The following RBAK variants were observed in gnomAD, a reference collection of about 807,000 sequenced individuals.
RBAK encodes the protein RB-associated KRAB zinc finger protein.
A neutral mutation model predicts 65.8 loss-of-function variants in RBAK; 39 were observed. The ratio of observed to expected loss-of-function variants is 0.59; its 90% CI spans 0.46 to 0.77. The LOEUF (loss-of-function observed/expected upper bound fraction) is 0.77. RBAK is among the 30% of genes least tolerant of loss of function. The pLI, the probability that RBAK is intolerant of heterozygous loss-of-function variation, is 0.00. For missense variants in RBAK, 884 were observed against 855.1 expected, an observed-to-expected ratio of 1.03 and a Z score of -0.42; for synonymous variants, 343 against 289.7, an observed-to-expected ratio of 1.18 and a Z score of -1.87.
rs1043192994 is a variant in RBAK at position 5,066,578 on chromosome 7, A to T, written c.*977A>T. On this transcript the variant is annotated 3_prime_UTR_variant, in exon 5 of 5. Coordinates refer to ENST00000396912, the MANE Select transcript of RBAK (RefSeq NM_021163.4). Reference sequence around the variant, plus strand: ...TTGTAATTTAGAAATTTTATTCACAAACTTCTGTTTGGTACAAATACAGTG... The same window carrying T: ...TTGTAATTTAGAAATTTTATTCACATACTTCTGTTTGGTACAAATACAGTG... The T allele has an allele frequency of 3.3e-5, 5 of 152,164 alleles. No homozygotes were observed. Among genetic ancestry groups the T allele is most frequent in the African/African-American group, 1.2e-4 (5 of 41,444 alleles). The allele number at this position is 152,164 out of a possible 1,614,324, so 9.4% of individuals were successfully genotyped here.
In RBAK at chr7:5,057,748, GGGA is replaced by G; in HGVS notation, c.210_212del (p.Gly71del). ...AGCAGGGAGAGGAGCCGTGGATAAT[GGGA>G]GGTGAATTTCCATGTCAACATAGTC... On this transcript the variant is annotated inframe_deletion, in exon 4 of 5. Transcript: ENST00000396912. The G allele has an allele frequency of 6.2e-7, 1 of 1,613,884 alleles. No individual in the cohort carries two copies. The highest frequency in any genetic ancestry group is 1.7e-5 in the Admixed American group (1 of 59,990).
In RBAK at chr7:5,045,913, C is replaced by T. The variant is rs927705329; in HGVS notation, c.-528C>T. 19 of 351,256 alleles carry T rather than the reference C, an allele frequency of 5.4e-5. No homozygotes were observed. The highest frequency in any genetic ancestry group is 4.4e-4 in the African/African-American group (19 of 43,558). 21.8% of individuals were successfully genotyped at this position (351,256 alleles called of 1,614,324 possible). A position where few individuals can be genotyped will look rare whatever the true frequency, so the allele number is the denominator to read the frequency against. ...GTCACCGCTTGCTCTAGTTCCCAGG[C>T]TTTGGCCTCCAGTGGACGAGAATCG... is the stretch of plus-strand genomic sequence containing the variant. On this transcript the variant is annotated 5_prime_UTR_variant, in exon 1 of 5. Transcript: ENST00000396912.
At position 5,065,064 on chromosome 7, in the gene RBAK, G is replaced by C. The variant is rs1779183044; in HGVS notation, c.1608G>C (p.Glu536Asp). ...GGCACCAGCCACTTCCAAAAGGGGA[G>C]AAATCCTATGAATGTAATGTATGTG... Reference protein sequence around the residue: ...FDGHQPLPKGEKSYECNVCGK... With the variant: ...FDGHQPLPKGDKSYECNVCGK... Residue 536 changes from glutamate to aspartate, a missense_variant, in exon 5 of 5, where the codon GAG (glutamate) becomes GAC (aspartate). Transcript: ENST00000396912. The surrounding 1 kb of genome is among the most constrained non-coding windows in gnomAD (Gnocchi z 5.3). 6.2e-7 allele frequency: 1 copy of C among 1,613,812 alleles called. No homozygotes were observed. The highest frequency in any genetic ancestry group is 8.5e-7 in the Non-Finnish European group (1 of 1,179,952).
chr7:5,047,917 G>C (rs1583451008), intron 1 of RBAK, 116 bp from the exon 2 acceptor site: 9 of 538,954 alleles, frequency 1.7e-5, no homozygotes, highest in Middle Eastern at 5.2e-4. Context: ...TTTGCAGGCT[G>C]AGTGTTCACA....
chr7:5,046,478 G>T, intron 1 of RBAK, 82 bp downstream of exon 1: 2 of 433,778 alleles, frequency 4.6e-6, no homozygotes, highest in Non-Finnish European at 9.0e-6. Context: ...GTGTGGGGCA[G>T]GGGGAGGGTC....
rs1053536803 is a variant in RBAK, at chr7:5,069,339, C to T, written c.*3738C>T. 2 of 152,092 alleles carry T rather than the reference C, an allele frequency of 1.3e-5. No individual in the cohort carries two copies. The highest frequency in any genetic ancestry group is 2.9e-5 in the Non-Finnish European group (2 of 68,022). The allele number at this position is 152,092 out of a possible 1,614,324, so 9.4% of individuals were successfully genotyped here. ...AAGATTTCCTACGCTGTCCTTAAAG[C>T]TTAGCATAATGTATATTTTAAGTGA... On this transcript the variant is annotated 3_prime_UTR_variant, in exon 5 of 5. Transcript: ENST00000396912.
chr7:5,050,836 G>A (rs566673297), intron 2 of RBAK, among the ~76,000 whole-genome samples: 7 of 152,258 alleles, frequency 4.6e-5, no homozygotes, highest in African/African-American at 1.4e-4. Context: ...ACCTCCCAGT[G>A]TTGGCATTAC....
chr7:5,059,424 G>A (rs1045502134), intron 4 of RBAK, among the ~76,000 whole-genome samples: 6 of 151,586 alleles, frequency 4.0e-5, no homozygotes, highest in African/African-American at 9.7e-5. Flanking sequence ...AGGTTCAAGC[G>A]ATTCCCCTGC....
At chr7:5,059,930 A>T (rs942434668) in intron 4 of RBAK, among the ~76,000 whole-genome samples, 8 of 152,076 alleles carry the variant, frequency 5.3e-5, no homozygotes, top group African/African-American at 1.9e-4. Context: ...TATATATTCA[A>T]AGATTATATG....
chr7:5,067,684 T>C lies in RBAK; in HGVS notation c.*2083T>C. 6.6e-6 allele frequency: 1 copy of C among 152,172 alleles called. No homozygotes were observed. Among genetic ancestry groups the C allele is most frequent in the East Asian group, 1.9e-4 (1 of 5,198 alleles). 9.4% of individuals were successfully genotyped at this position (152,172 alleles called of 1,614,324 possible). ...GAAATTTCTAAATATCAAGACCTGT[T>C]ATAAAGCCATAGAAATAATGAAGGT... On this transcript the variant is annotated 3_prime_UTR_variant, in exon 5 of 5. Coordinates refer to ENST00000396912, the MANE Select transcript of RBAK (RefSeq NM_021163.4).
Position 5,046,074 on chromosome 7 carries a change from G to T in RBAK, c.-367G>T. The T allele has an allele frequency of 3.5e-6, 1 of 288,682 alleles. No homozygotes were observed. The highest frequency in any genetic ancestry group is 1.6e-4 in the East Asian group (1 of 6,270). The allele number at this position is 288,682 out of a possible 1,614,324, so 17.9% of individuals were successfully genotyped here. On this transcript the variant is annotated 5_prime_UTR_variant, in exon 1 of 5. Transcript: ENST00000396912. ...GAGCTTGAGCCCCGGAGCCGGCGGC[G>T]CTGGGGCCAGAGGGGCCGGACGGGA...
Position 5,046,033 on chromosome 7 carries a change from T to C in RBAK, c.-408T>C. On this transcript the variant is annotated 5_prime_UTR_variant, in exon 1 of 5. Transcript: ENST00000396912. ...GGGTTCGCGCGGGCCGGGTGGAGGC[T>C]TGAGCGGGGACCCCCGAGCTTGAGC... is the stretch of plus-strand genomic sequence containing the variant. 3.6e-6 allele frequency: 1 copy of C among 278,302 alleles called. No homozygotes were observed. The highest frequency in any genetic ancestry group is 2.9e-5 in the South Asian group (1 of 34,300). The allele number at this position is 278,302 out of a possible 1,614,324, so 17.2% of individuals were successfully genotyped here.
Position 5,057,683 on chromosome 7 carries a change from G to A in RBAK, c.143-1G>A, listed in dbSNP as rs778300471. 6.2e-7 allele frequency: 1 copy of A among 1,613,748 alleles called. No individual in the cohort carries two copies. Among genetic ancestry groups the A allele is most frequent in the African/African-American group, 1.3e-5 (1 of 74,888 alleles). ...AGTCCTCCTTCTTTTCCCATTAACAGGATATGATACCACCAAGCCAAACGT... is the reference window on the plus strand; with the variant it reads ...AGTCCTCCTTCTTTTCCCATTAACAAGATATGATACCACCAAGCCAAACGT... On this transcript the variant is annotated splice_acceptor_variant, in intron 3 of 4. Coordinates refer to ENST00000396912, the MANE Select transcript of RBAK (RefSeq NM_021163.4). LOFTEE classifies it high-confidence loss of function.
chr7:5,050,756 G>A (rs753476070), intron 2 of RBAK, among the ~76,000 whole-genome samples: 1 of 151,906 alleles, frequency 6.6e-6, no homozygotes, highest in Non-Finnish European at 1.5e-5. Flanking sequence ...TTAATTTTTA[G>A]TAGAGACAGG....
chr7:5,057,772 T>C lies in RBAK; in HGVS notation c.231T>C (p.His77=), dbSNP rs1778963892. ...TGGGAGGTGAATTTCCATGTCAACA[T>C]AGTCCAGGTAAGTTAGTAGCGTATC... ...WIMGGEFPCQ[H]SPEAWRVDDL... The change falls in exon 4 of 5, where the codon CAT becomes CAC. Residue 77 remains histidine (H), a synonymous_variant. Coordinates refer to ENST00000396912, the MANE Select transcript of RBAK (RefSeq NM_021163.4). The C allele has an allele frequency of 5.0e-6, 8 of 1,613,762 alleles. No individual in the cohort carries two copies. Among genetic ancestry groups the C allele is most frequent in the Admixed American group, 1.7e-5 (1 of 59,982 alleles).
chr7:5,050,045 C>G (rs959678186), intron 2 of RBAK, among the ~76,000 whole-genome samples: 4 of 152,148 alleles, frequency 2.6e-5, no homozygotes, highest in African/African-American at 9.7e-5. Context: ...CTGTATTGCT[C>G]AGACTGGTCT....
chr7:5,062,950 C>T (rs753463406), intron 4 of RBAK, among the ~76,000 whole-genome samples: 13 of 152,118 alleles, frequency 8.5e-5, no homozygotes, highest in Non-Finnish European at 1.8e-4. Context: ...TCAAGGTGCC[C>T]AGATTTCATA....
chr7:5,053,501 TTGGATCTTGGGTTTA>T (rs1360104822), intron 2 of RBAK, among the ~76,000 whole-genome samples: 1 of 152,214 alleles, frequency 6.6e-6, no homozygotes, highest in Non-Finnish European at 1.5e-5. Context: ...ACTGAACTTC[TTGGATCTTGGGTTTA>T]TGGTGTCATC....
chr7:5,056,170 C>T (rs1335096836), intron 2 of RBAK, among the ~76,000 whole-genome samples: 3 of 142,276 alleles, frequency 2.1e-5, no homozygotes, highest in Non-Finnish European at 4.5e-5. Flanking sequence ...TGCAGTGTTG[C>T]ATTCACAGCT....
Sources: allele counts gnomAD v4.1 joint callset (sites outside exome capture counted in the v4.1 genomes callset), GRCh38; gene constraint gnomAD v4.1.1; non-coding constraint Gnocchi (gnomAD v3.1); transcripts MANE v1.5; gene names NCBI Gene and HGNC (gene_info 2026-07-23, HGNC 2026-07-21).